Variants in GPHN observed in about 807,000 individuals in gnomAD.
The protein encoded by GPHN is gephyrin.
GPHN carries 17 observed loss-of-function variants against 95.5 expected under a neutral mutation model. That is an observed-to-expected ratio of 0.18 (90% confidence interval 0.12 to 0.27). The LOEUF is 0.27. GPHN is among the 10% of genes least tolerant of loss of function. The pLI is 1.00. For missense variants in GPHN, 660 were observed against 978.1 expected (o/e 0.67, Z 4.34); for synonymous variants, 320 against 322.5 (o/e 0.99, Z 0.08).
At chr14:67,062,692 G>A (rs898872533) in intron 11 of GPHN, among the ~76,000 whole-genome samples, 11 of 152,160 alleles carry the variant, frequency 7.2e-5, no homozygotes, top group Non-Finnish European at 1.6e-4. Flanking sequence ...TTTTTCTTGT[G>A]TCTGTTGGCT....
chr14:67,347,543 C>G, the GPHN span: 2 of 1,180,058 alleles, frequency 1.7e-6, no homozygotes, highest in Non-Finnish European at 2.4e-6. Flanking sequence ...CTCTTGTCGC[C>G]GAGGCTGGAA....
intron 3 of GPHN, among the ~76,000 whole-genome samples, chr14:66,781,120 T>G (rs1012677298): frequency 5.9e-5 from 9 of 152,188 alleles, no homozygotes; most frequent in Non-Finnish European, 1.0e-4. Context: ...ACTTCAAAAC[T>G]GAATGGATTC....
chr14:66,790,634 T>C (rs77410858), intron 3 of GPHN, among the ~76,000 whole-genome samples: 6,714 of 152,272 alleles, frequency 0.044, 192 homozygotes, highest in Middle Eastern at 0.068. Context: ...CTGGGCAAGA[T>C]GGTTGCCCTG....
chr14:66,842,710 G>A (rs1366389080), intron 4 of GPHN: 2 of 1,533,004 alleles, frequency 1.3e-6, no homozygotes, highest in East Asian at 4.9e-5. Context: ...GTGGGCTCCA[G>A]AAAGGGGTAA....
the GPHN span, chr14:67,515,519 C>T: frequency 6.4e-5 from 10 of 155,840 alleles, no homozygotes; most frequent in Non-Finnish European, 1.3e-4. Context: ...GGCTTAACTC[C>T]TTGCTCGCCC....
intron 3 of GPHN, among the ~76,000 whole-genome samples, chr14:66,820,098 CT>C (rs1462480111): frequency 1.3e-5 from 2 of 152,010 alleles, no homozygotes; most frequent in Non-Finnish European, 2.9e-5. Flanking sequence ...TATGTTAAAC[CT>C]TAGACAGGAT....
At chr14:67,431,860 G>T in the GPHN span, among the ~76,000 whole-genome samples, 1 of 152,304 alleles carries the variant, frequency 6.6e-6, no homozygotes, top group Non-Finnish European at 1.5e-5. Flanking sequence ...TCATCTTTGG[G>T]TGAGCTTGGA....
At chr14:66,950,340 G>A (rs1370908165) in intron 8 of GPHN, among the ~76,000 whole-genome samples, 1 of 152,088 alleles carries the variant, frequency 6.6e-6, no homozygotes, top group Non-Finnish European at 1.5e-5. Context: ...CAAGCCTTTG[G>A]TTCATCTCTC....
At chr14:67,323,232 C>CGTGTGTGTGTGTGTGTGTGTGTGT in the GPHN span, among the ~76,000 whole-genome samples, 4 of 143,592 alleles carry the variant, frequency 2.8e-5, no homozygotes, top group African/African-American at 7.8e-5. Flanking sequence ...CATATATACA[C>CGTGTGTGTGTGTGTGTGTGTGTGT]GTGTGTGTGT....
At position 66,632,130 on chromosome 14, in the gene GPHN, T is replaced by G. The variant is rs557871983; in HGVS notation, c.65-48977T>G. On this transcript the variant is annotated intron_variant, in intron 1 of 22. Transcript: ENST00000478722. ...AATGTCTTCAAGTTTCATTATCTTG[T>G]CTATAAAGAGGGGAGAGCAATGTTT... Among the ~76,000 whole-genome samples the G allele has an allele frequency of 6.6e-5, 10 of 152,306 alleles. No individual in the cohort carries two copies. In the South Asian group the frequency reaches 2.1e-3, roughly 32 times the overall value.
At chr14:66,822,502 T>G (rs2061237775) in intron 3 of GPHN, among the ~76,000 whole-genome samples, 1 of 152,234 alleles carries the variant, frequency 6.6e-6, no homozygotes, top group Non-Finnish European at 1.5e-5. Context: ...ATTACTTGAC[T>G]ATTAGCTCTT....
intron 16 of GPHN, among the ~76,000 whole-genome samples, chr14:67,114,182 T>A (rs1353016492): frequency 6.6e-6 from 1 of 152,220 alleles, no homozygotes; most frequent in African/African-American, 2.4e-5. Flanking sequence ...TATGCACTAG[T>A]CATTTCCAAA....
At chr14:66,572,289 T>C (rs1451381688) in intron 1 of GPHN, among the ~76,000 whole-genome samples, 1 of 152,196 alleles carries the variant, frequency 6.6e-6, no homozygotes. Context: ...CTGTGAAAAA[T>C]GCCATTGGAA....
the GPHN span, among the ~76,000 whole-genome samples, chr14:67,666,573 C>T: frequency 6.6e-6 from 1 of 152,238 alleles, no homozygotes; most frequent in Non-Finnish European, 1.5e-5. Flanking sequence ...ATTCAAGAGA[C>T]TGATCTCTAC....
At chr14:66,770,825 TTTA>T (rs943710209) in intron 2 of GPHN, among the ~76,000 whole-genome samples, 22 of 151,108 alleles carry the variant, frequency 1.5e-4, no homozygotes, top group Non-Finnish European at 2.8e-4. Flanking sequence ...ATTGTTTTAT[TTTA>T]TTATTGTTCT....
the GPHN span, among the ~76,000 whole-genome samples, chr14:67,218,437 G>A: frequency 3.3e-5 from 5 of 152,162 alleles, no homozygotes; most frequent in Non-Finnish European, 7.4e-5. Flanking sequence ...ACTCAGGGAC[G>A]TGCTCACTGG....
the GPHN span, among the ~76,000 whole-genome samples, chr14:67,263,155 G>C: frequency 2.0e-3 from 305 of 152,246 alleles, no homozygotes; most frequent in African/African-American, 6.9e-3. Flanking sequence ...GGAGCAAATA[G>C]GGAATTTTCT....
chr14:67,726,159 A>C, the GPHN span: 2 of 1,577,676 alleles, frequency 1.3e-6, no homozygotes, highest in Non-Finnish European at 8.7e-7. Flanking sequence ...CACCTGGGTA[A>C]GTATCTTTGG....
intron 20 of GPHN, among the ~76,000 whole-genome samples, chr14:67,167,270 A>T (rs2082335526): frequency 6.6e-6 from 1 of 152,186 alleles, no homozygotes; most frequent in Admixed American, 6.5e-5. Flanking sequence ...CTGCCTCTAA[A>T]ATAATTAGAG....
Sources: allele counts gnomAD v4.1 joint callset (sites outside exome capture counted in the v4.1 genomes callset), GRCh38; gene constraint gnomAD v4.1.1; transcripts MANE v1.5; gene names NCBI Gene and HGNC (gene_info 2026-07-23, HGNC 2026-07-21).